Variants in EXOC4 observed in about 807,000 individuals in gnomAD.
EXOC4 encodes the protein exocyst complex component 4, also known as SEC8-like 1.
A neutral mutation model predicts 107.2 loss-of-function variants in EXOC4; 71 were observed. That is an observed-to-expected ratio of 0.66 (90% CI 0.55 to 0.81). The LOEUF (loss-of-function observed/expected upper bound fraction) is 0.81, where lower values mean the gene tolerates loss of function less well. EXOC4 is among the 30% of genes least tolerant of loss of function. EXOC4 has a pLI of 0.00. For missense variants in EXOC4, 1,108 were observed against 1,189.6 expected, an observed-to-expected ratio of 0.93 and a Z score of 1.01; for synonymous variants, 456 against 441.2, an observed-to-expected ratio of 1.03 and a Z score of -0.42.
At chr7:133,604,633 T>A (rs1463152459) in intron 9 of EXOC4, among the ~76,000 whole-genome samples, 2 of 151,144 alleles carry the variant, frequency 1.3e-5, no homozygotes, top group Admixed American at 1.3e-4. Flanking sequence ...TTGGTACTGC[T>A]CCTTCAGCTC....
chr7:133,986,010 T>C (rs1422648397), intron 14 of EXOC4, among the ~76,000 whole-genome samples: 1 of 152,216 alleles, frequency 6.6e-6, no homozygotes, highest in Non-Finnish European at 1.5e-5. Flanking sequence ...TGCTCCGTTA[T>C]TGAGATGTAA....
chr7:133,587,068 G>A (rs554872264), intron 9 of EXOC4, among the ~76,000 whole-genome samples: 80 of 151,820 alleles, frequency 5.3e-4, no homozygotes, highest in Middle Eastern at 3.4e-3. Context: ...TCCTGACCTC[G>A]AGTGGTCCAC....
intron 5 of EXOC4, among the ~76,000 whole-genome samples, chr7:133,340,662 T>A (rs959710472): frequency 2.0e-5 from 3 of 151,882 alleles, no homozygotes; most frequent in African/African-American, 7.2e-5. Flanking sequence ...GTCCTGGACT[T>A]TTTTTTGTTG....
chr7:133,816,362 A>C (rs1269737552), intron 10 of EXOC4, among the ~76,000 whole-genome samples: 1 of 152,168 alleles, frequency 6.6e-6, no homozygotes, highest in Non-Finnish European at 1.5e-5. Context: ...TAAAATAAGA[A>C]TTTTAATAAA....
At chr7:133,978,055 G>A (rs558749112) in intron 14 of EXOC4, among the ~76,000 whole-genome samples, 8 of 152,224 alleles carry the variant, frequency 5.3e-5, no homozygotes, top group Non-Finnish European at 1.0e-4. Context: ...GTCTCAGCCA[G>A]TCACAGCAGC....
intron 10 of EXOC4, among the ~76,000 whole-genome samples, chr7:133,749,264 G>GA (rs1454241183): frequency 6.6e-6 from 1 of 152,144 alleles, no homozygotes; most frequent in African/African-American, 2.4e-5. Flanking sequence ...TGATGGAAAG[G>GA]AGAGATATTC....
chr7:133,433,135 C>T (rs1797892081), intron 7 of EXOC4, among the ~76,000 whole-genome samples: 1 of 152,124 alleles, frequency 6.6e-6, no homozygotes. Flanking sequence ...TCTTGTTATT[C>T]CATAAGCGGT....
chr7:134,100,093 T>A, the EXOC4 span, among the ~76,000 whole-genome samples: 1 of 152,072 alleles, frequency 6.6e-6, no homozygotes, highest in African/African-American at 2.4e-5. Context: ...TTAAAAAAAA[T>A]ATGCATTTTT....
intron 10 of EXOC4, among the ~76,000 whole-genome samples, chr7:133,763,319 C>G (rs902766525): frequency 6.6e-6 from 1 of 152,086 alleles, no homozygotes; most frequent in Non-Finnish European, 1.5e-5. Flanking sequence ...CAGGCTGTAA[C>G]AAATTAAAAT....
intron 17 of EXOC4, among the ~76,000 whole-genome samples, chr7:134,051,279 C>T (rs562617253): frequency 6.6e-6 from 1 of 152,290 alleles, no homozygotes; most frequent in South Asian, 2.1e-4. Flanking sequence ...ATGGAGGGCC[C>T]CCACCTGACT....
intron 10 of EXOC4, among the ~76,000 whole-genome samples, chr7:133,759,460 G>C (rs530444111): frequency 6.6e-6 from 1 of 152,282 alleles, no homozygotes; most frequent in Admixed American, 6.5e-5. Flanking sequence ...ATCTACAGTG[G>C]CTTTCCAAGT....
intron 9 of EXOC4, among the ~76,000 whole-genome samples, chr7:133,509,650 C>T (rs913442308): frequency 3.9e-5 from 6 of 152,138 alleles, no homozygotes; most frequent in Admixed American, 6.5e-5. Context: ...TGACCACAGA[C>T]GAACATTTCC....
At chr7:134,024,493 T>C (rs899413390) in intron 17 of EXOC4, among the ~76,000 whole-genome samples, 2 of 151,762 alleles carry the variant, frequency 1.3e-5, no homozygotes, top group Admixed American at 6.6e-5. Flanking sequence ...TAATTTAAAA[T>C]ATTCACAAAG....
rs904203830 is a variant in EXOC4 at position 133,874,353 on chromosome 7, C to T, written c.1735-21246C>T. Among the ~76,000 whole-genome samples the T allele has an allele frequency of 8.5e-5, 13 of 152,258 alleles. No individual in the cohort carries two copies. The East Asian group carries it at 2.5e-3, about 29-fold the overall frequency. Reference sequence around the variant, plus strand: ...GGAATGAGCTAGAATGCTGGGTTCGCAACAACCAGTTTTGTTAAAAACAAG... The same window carrying T: ...GGAATGAGCTAGAATGCTGGGTTCGTAACAACCAGTTTTGTTAAAAACAAG... On this transcript the variant is annotated intron_variant, in intron 11 of 17. Transcript: ENST00000253861.
At chr7:134,001,721 C>T (rs1794535229) in intron 15 of EXOC4, among the ~76,000 whole-genome samples, 2 of 152,188 alleles carry the variant, frequency 1.3e-5, no homozygotes, top group Admixed American at 1.3e-4. Context: ...CCCTAAGGAT[C>T]CCTATGGCTT....
intron 11 of EXOC4, among the ~76,000 whole-genome samples, chr7:133,880,301 T>G (rs1798938168): frequency 1.3e-5 from 2 of 152,238 alleles, no homozygotes; most frequent in Admixed American, 1.3e-4. Flanking sequence ...TAGGCCAGTA[T>G]CTGCTAATGT....
chr7:133,880,387 G>C (rs1008446516), intron 11 of EXOC4, among the ~76,000 whole-genome samples: 2 of 152,170 alleles, frequency 1.3e-5, no homozygotes, highest in African/African-American at 4.8e-5. Flanking sequence ...AGGTGCTTTT[G>C]AAGTGTGCAT....
chr7:133,584,008 A>G (rs1376241361), intron 9 of EXOC4, among the ~76,000 whole-genome samples: 1 of 152,146 alleles, frequency 6.6e-6, no homozygotes, highest in Non-Finnish European at 1.5e-5. Flanking sequence ...GTTATAAAGG[A>G]CAAGGAGGAG....
the EXOC4 span, among the ~76,000 whole-genome samples, chr7:134,084,713 A>AG: frequency 6.7e-6 from 1 of 149,832 alleles, no homozygotes; most frequent in African/African-American, 2.5e-5. Context: ...CAGCCGTAAA[A>AG]AAAAAAAAAA....
Sources: allele counts gnomAD v4.1 joint callset (sites outside exome capture counted in the v4.1 genomes callset), GRCh38; gene constraint gnomAD v4.1.1; transcripts MANE v1.5; gene names NCBI Gene and HGNC (gene_info 2026-07-23, HGNC 2026-07-21).